The following RBM25 variants were observed in gnomAD, a reference collection of about 807,000 sequenced individuals.
The protein encoded by RBM25 is RNA-binding protein 25.
A neutral mutation model predicts 120.7 loss-of-function variants in RBM25; 19 were observed. The observed-to-expected ratio is 0.16, with a 90% confidence interval of 0.11 to 0.23. The LOEUF (loss-of-function observed/expected upper bound fraction) is 0.23. Ranked by LOEUF, RBM25 falls within the 10% of genes least tolerant of loss-of-function variation. RBM25 has a pLI of 1.00. For synonymous variants in RBM25, 390 were observed against 326.7 expected, an observed-to-expected ratio of 1.19 and a Z score of -2.09; for missense variants, 605 against 1,041.5, an observed-to-expected ratio of 0.58 and a Z score of 5.77.
In RBM25 at chr14:73,123,676, T is replaced by TA. The variant is rs914918396; in HGVS notation, c.*3872dup. 2 of 152,344 alleles carry TA rather than the reference T, an allele frequency of 1.3e-5. No individual in the cohort carries two copies. The highest frequency in any genetic ancestry group is 2.9e-5 in the Non-Finnish European group (2 of 68,020). The allele number at this position is 152,344 out of a possible 1,614,324, so 9.4% of individuals were successfully genotyped here. On this transcript the variant is annotated 3_prime_UTR_variant, in exon 19 of 19. Coordinates refer to ENST00000261973, the MANE Select transcript of RBM25 (RefSeq NM_021239.3). ...GAACTTACACTTTTTGATAAACTGATAGATTTTTTGTAATGTGATTATGGT... is the reference window on the plus strand; with the variant it reads ...GAACTTACACTTTTTGATAAACTGATAAGATTTTTTGTAATGTGATTATGGT...
intron 1 of RBM25, among the ~76,000 whole-genome samples, chr14:73,062,141 T>C (rs1237988980): frequency 6.6e-6 from 1 of 151,418 alleles, no homozygotes; most frequent in Non-Finnish European, 1.5e-5. Flanking sequence ...GGAGTGTTGC[T>C]CTTTAATCAT....
chr14:73,063,027 G>A (rs771842355), intron 1 of RBM25, among the ~76,000 whole-genome samples: 10 of 151,146 alleles, frequency 6.6e-5, no homozygotes, highest in South Asian at 2.1e-4. Flanking sequence ...TCACCATGTC[G>A]CCCAGGCTGG....
intron 3 of RBM25, 125 bp from the exon 4 acceptor site, chr14:73,077,244 C>T: frequency 1.3e-6 from 1 of 785,186 alleles, no homozygotes; most frequent in South Asian, 2.5e-5. Context: ...TAGAAGTATA[C>T]AAGCATGCAG....
chr14:73,063,321 T>C lies in RBM25; in HGVS notation c.-16+4616T>C, dbSNP rs150296864. On this transcript the variant is annotated intron_variant, in intron 1 of 18. Coordinates refer to ENST00000261973, the MANE Select transcript of RBM25 (RefSeq NM_021239.3). ...CCTGCCACTATGCCCGGCTAAATTT[T>C]TGTATTTTTAGTAGAGACGAGATTT... Among the ~76,000 whole-genome samples the C allele has an allele frequency of 6.2e-3, 944 of 151,064 alleles. 19 individuals are homozygous for C. Among genetic ancestry groups the C allele is most frequent in the African/African-American group, 0.021 (886 of 41,336 alleles).
At position 73,099,769 on chromosome 14, in the gene RBM25, C is replaced by G. The variant is rs751500837; in HGVS notation, c.867+19C>G. On this transcript the variant is annotated intron_variant, in intron 9 of 18. Transcript: ENST00000261973. ...ACATAAGGTAGTATTCTTGTCTTTT[C>G]ACTTGATACCAATCTAGACTTTTTA... 6.3e-7 allele frequency: 1 copy of G among 1,584,986 alleles called. No homozygotes were observed. The highest frequency in any genetic ancestry group is 8.5e-7 in the Non-Finnish European group (1 of 1,172,282).
At chr14:73,069,269 T>G (rs28661316) in intron 1 of RBM25, among the ~76,000 whole-genome samples, 2,285 of 152,278 alleles carry the variant, frequency 0.015, 58 homozygotes, top group African/African-American at 0.051. Context: ...ATTCACATGA[T>G]GTGATTGGTT....
At position 73,099,649 on chromosome 14, in the gene RBM25, G is replaced by A. The variant is rs1253913930; in HGVS notation, c.784-18G>A. 4 of 1,592,218 alleles carry A rather than the reference G, an allele frequency of 2.5e-6. No homozygotes were observed. The highest frequency in any genetic ancestry group is 2.7e-5 in the African/African-American group (2 of 73,262). On this transcript the variant is annotated intron_variant, in intron 8 of 18. Coordinates refer to ENST00000261973, the MANE Select transcript of RBM25 (RefSeq NM_021239.3). ...GGGTGTTCTTTATTCATTCCCTCCTGTGCCCGTTTTCTTTTAGGAGGATAT... is the reference window on the plus strand; with the variant it reads ...GGGTGTTCTTTATTCATTCCCTCCTATGCCCGTTTTCTTTTAGGAGGATAT...
At chr14:73,074,466 C>T (rs1434126611) in intron 2 of RBM25, among the ~76,000 whole-genome samples, 2 of 152,056 alleles carry the variant, frequency 1.3e-5, no homozygotes, top group Non-Finnish European at 2.9e-5. Context: ...GGCATGGTGG[C>T]TCATACCTGT....
At chr14:73,069,683 T>A (rs1250073134) in intron 1 of RBM25, among the ~76,000 whole-genome samples, 1 of 130,712 alleles carries the variant, frequency 7.7e-6, no homozygotes, top group Non-Finnish European at 1.5e-5. Flanking sequence ...TGTGTCCGCC[T>A]CGGCCTCCCA....
chr14:73,074,725 T>G lies in RBM25; in HGVS notation c.107-1594T>G, dbSNP rs1895373738. 2.0e-5 allele frequency among the ~76,000 whole-genome samples: 3 copies of G among 151,122 alleles called. No homozygotes were observed. In the South Asian group the frequency reaches 6.3e-4, roughly 31 times the overall value. On this transcript the variant is annotated intron_variant, in intron 2 of 18. Transcript: ENST00000261973. ...TGATTTTTTTTTTTGTTTGTTTTGC[T>G]TTTTTTGAGAGAGTCTCACTCTGTC...
chr14:73,112,277 A>C (rs1232101128), intron 17 of RBM25, 27 bp downstream of exon 17: 1 of 1,531,800 alleles, frequency 6.5e-7, no homozygotes, highest in Non-Finnish European at 8.7e-7. Flanking sequence ...CTTCCATGCC[A>C]GCATTTATTT....
In RBM25 at chr14:73,088,041, C is replaced by G; in HGVS notation, c.423C>G (p.Leu141=). 6.2e-7 allele frequency: 1 copy of G among 1,614,160 alleles called. No homozygotes were observed. The highest frequency in any genetic ancestry group is 8.5e-7 in the Non-Finnish European group (1 of 1,180,040). Residue 141 remains leucine, a synonymous_variant, in exon 6 of 19, where the codon CTC becomes CTG. Transcript: ENST00000261973. The part of the protein sequence containing the change: ...FCEYKEPEST[L]RALRLLHDLQ... ...AGTACAAGGAGCCAGAATCTACCCTCCGTGCACTCAGATTATTACATGACC... is the reference window on the plus strand; with the variant it reads ...AGTACAAGGAGCCAGAATCTACCCTGCGTGCACTCAGATTATTACATGACC...
At chr14:73,109,165 T>A in intron 13 of RBM25, 177 bp from the exon 14 acceptor site, 1 of 550,730 alleles carries the variant, frequency 1.8e-6, no homozygotes. Flanking sequence ...ATGCTTGTTA[T>A]ACATTTACAT....
chr14:73,116,355 G>C (rs1459961279), intron 18 of RBM25, among the ~76,000 whole-genome samples: 1 of 152,188 alleles, frequency 6.6e-6, no homozygotes, highest in Non-Finnish European at 1.5e-5. Context: ...CTTGCACTTG[G>C]AACTGCCACC....
chr14:73,066,043 A>T (rs1341089498), intron 1 of RBM25, among the ~76,000 whole-genome samples: 1 of 152,094 alleles, frequency 6.6e-6, no homozygotes, highest in African/African-American at 2.4e-5. Context: ...TTGTTTACTG[A>T]TTTATTCATT....
intron 1 of RBM25, among the ~76,000 whole-genome samples, chr14:73,065,564 A>G (rs1353806519): frequency 6.6e-6 from 1 of 152,026 alleles, no homozygotes; most frequent in East Asian, 1.9e-4. Context: ...AGCTGGGACT[A>G]CAGGCGCACA....
At chr14:73,100,553 C>T (rs988975874) in intron 9 of RBM25, 11 of 406,902 alleles carry the variant, frequency 2.7e-5, no homozygotes, top group South Asian at 1.3e-4. Context: ...TGCTTTTGAA[C>T]GGTGCAATGC....
chr14:73,082,425 G>A (rs1221263707), intron 4 of RBM25, among the ~76,000 whole-genome samples: 1 of 152,024 alleles, frequency 6.6e-6, no homozygotes. Flanking sequence ...CTGAGTAGCT[G>A]GGACCACTGG....
At chr14:73,063,506 T>C (rs1265710533) in intron 1 of RBM25, among the ~76,000 whole-genome samples, 7 of 151,342 alleles carry the variant, frequency 4.6e-5, no homozygotes, top group Non-Finnish European at 8.9e-5. Flanking sequence ...GTGAGGTACT[T>C]TCAATATTTT....
Sources: allele counts gnomAD v4.1 joint callset (sites outside exome capture counted in the v4.1 genomes callset), GRCh38; gene constraint gnomAD v4.1.1; transcripts MANE v1.5; gene names NCBI Gene and HGNC (gene_info 2026-07-23, HGNC 2026-07-21).